Variants in RAD51B observed in about 807,000 individuals in gnomAD.
The protein encoded by RAD51B is RAD51 paralog B.
A neutral mutation model predicts 42.2 loss-of-function variants in RAD51B; 38 were observed. That is an observed-to-expected ratio of 0.90 (90% confidence interval 0.70 to 1.18). RAD51B has a LOEUF of 1.18. Ranked by LOEUF, RAD51B falls within the 50% of genes most tolerant of loss-of-function variation. The probability of loss-of-function intolerance (pLI) is 0.00; values close to 1 mark genes in which losing one functional copy is unlikely to be tolerated. For missense variants in RAD51B, 373 were observed against 400.7 expected (o/e 0.93, Z 0.59); for synonymous variants, 154 against 145.2 (o/e 1.06, Z -0.43).
intron 10 of RAD51B, among the ~76,000 whole-genome samples, chr14:68,499,139 G>A (rs1160289672): frequency 1.3e-5 from 2 of 152,104 alleles, no homozygotes; most frequent in Non-Finnish European, 2.9e-5. Context: ...TGCCAGAAGG[G>A]GGCTCATCAC....
At chr14:68,248,021 C>T (rs1180201293) in intron 7 of RAD51B, among the ~76,000 whole-genome samples, 1 of 152,172 alleles carries the variant, frequency 6.6e-6, no homozygotes, top group Non-Finnish European at 1.5e-5. Flanking sequence ...TTTTCCAGAA[C>T]ACCAAATCGA....
chr14:68,563,302 G>T (rs1312528608), intron 10 of RAD51B: 1 of 985,296 alleles, frequency 1.0e-6, no homozygotes, highest in Non-Finnish European at 1.2e-6. Flanking sequence ...CAATGGGCTT[G>T]TTCTCTCCTC....
At position 68,280,471 on chromosome 14, in the gene RAD51B, C is replaced by T. The variant is rs114480644; in HGVS notation, c.757-11413C>T. 4.9e-3 allele frequency among the ~76,000 whole-genome samples: 746 copies of T among 152,298 alleles called. 5 individuals carry two copies. Among genetic ancestry groups the T allele is most frequent in the African/African-American group, 0.016 (677 of 41,564 alleles). On this transcript the variant is annotated intron_variant, in intron 7 of 10. Transcript: ENST00000471583. Reference sequence around the variant, plus strand: ...AGCTATTTGATCTCAAAAAATACCTCAACTTCTTGAACCTCAGTTTCCTCA... The same window carrying T: ...AGCTATTTGATCTCAAAAAATACCTTAACTTCTTGAACCTCAGTTTCCTCA...
intron 10 of RAD51B, among the ~76,000 whole-genome samples, chr14:68,492,980 G>C (rs892236379): frequency 6.6e-6 from 1 of 152,182 alleles, no homozygotes; most frequent in Non-Finnish European, 1.5e-5. Flanking sequence ...CAGACAAGCT[G>C]CAGCCTCTCT....
chr14:68,450,282 G>A (rs8006313), intron 9 of RAD51B, among the ~76,000 whole-genome samples: 3,489 of 133,334 alleles, frequency 0.026, 51 homozygotes, highest in Middle Eastern at 0.071. Context: ...GCAATGGCAC[G>A]ATCTCTGCTC....
chr14:68,192,197 C>T (rs1487157967), intron 7 of RAD51B, among the ~76,000 whole-genome samples: 1 of 152,094 alleles, frequency 6.6e-6, no homozygotes, highest in Non-Finnish European at 1.5e-5. Context: ...TAATGTTATT[C>T]ACTGGTTGAA....
chr14:67,858,229 A>G (rs994835609), intron 4 of RAD51B, among the ~76,000 whole-genome samples: 1 of 152,148 alleles, frequency 6.6e-6, no homozygotes, highest in African/African-American at 2.4e-5. Flanking sequence ...CCTTCTGGGT[A>G]CCCGCACTTG....
At chr14:67,822,354 A>G (rs1221450650) in intron 1 of RAD51B, 3 of 152,162 alleles carry the variant, frequency 2.0e-5, no homozygotes, top group Non-Finnish European at 4.4e-5. Flanking sequence ...ATTTAACTGC[A>G]TGTGAGAATA....
At chr14:67,916,961 G>A (rs1566956769) in intron 7 of RAD51B, among the ~76,000 whole-genome samples, 1 of 152,202 alleles carries the variant, frequency 6.6e-6, no homozygotes, top group Non-Finnish European at 1.5e-5. Context: ...AGGAAGTAGA[G>A]CAGGGTAAGG....
intron 7 of RAD51B, among the ~76,000 whole-genome samples, chr14:68,063,244 T>C (rs2140445888): frequency 6.6e-6 from 1 of 152,318 alleles, no homozygotes. Context: ...CTCTAATCTT[T>C]ATTATTTCTT....
chr14:68,013,272 G>C (rs1030635642), intron 7 of RAD51B, among the ~76,000 whole-genome samples: 1 of 152,156 alleles, frequency 6.6e-6, no homozygotes, highest in African/African-American at 2.4e-5. Context: ...ATTTCAAAAA[G>C]AGAAAGATAG....
In RAD51B at chr14:68,217,291, CT is replaced by C. The variant is rs1481261100; in HGVS notation, c.757-74592del. Among the ~76,000 whole-genome samples the C allele has an allele frequency of 3.9e-5, 6 of 152,292 alleles. No individual in the cohort carries two copies. The East Asian group carries it at 1.2e-3, about 29-fold the overall frequency. On this transcript the variant is annotated intron_variant, in intron 7 of 10. Transcript: ENST00000471583. ...CTCCTCTTTTCTAAATCCAGCCCTC[CT>C]CCCCCTTAAAATCTTATGTTATCAG...
intron 7 of RAD51B, among the ~76,000 whole-genome samples, chr14:68,282,205 A>C (rs1430359431): frequency 6.6e-6 from 1 of 150,698 alleles, no homozygotes; most frequent in East Asian, 2.0e-4. Flanking sequence ...CTGGTCTTGA[A>C]CTCCTGATCT....
At chr14:68,647,267 T>G (rs1892581609) in intron 10 of RAD51B, among the ~76,000 whole-genome samples, 1 of 152,210 alleles carries the variant, frequency 6.6e-6, no homozygotes, top group Admixed American at 6.5e-5. Context: ...CATGTCTTAT[T>G]GCATTGGCAA....
chr14:68,553,709 G>T (rs1251790589), intron 10 of RAD51B, among the ~76,000 whole-genome samples: 2 of 147,992 alleles, frequency 1.4e-5, no homozygotes, highest in African/African-American at 5.0e-5. Flanking sequence ...GCAGAGGTGG[G>T]GTGGAGGTGG....
rs374606161 is a variant in RAD51B at position 68,271,507 on chromosome 14, T to TA, written c.757-20367dup. 1.7e-3 allele frequency among the ~76,000 whole-genome samples: 244 copies of TA among 147,438 alleles called. 2 individuals carry two copies. The South Asian group carries it at 0.033, about 20-fold the overall frequency. ...GCACCTTGAAAGTGTGTTGTGAAGA[T>TA]AAAAAAAAAAGATAAATAGGCAATA... On this transcript the variant is annotated intron_variant, in intron 7 of 10. Transcript: ENST00000471583.
intron 8 of RAD51B, among the ~76,000 whole-genome samples, chr14:68,392,074 G>T (rs2083774120): frequency 1.3e-5 from 2 of 152,162 alleles, no homozygotes; most frequent in Non-Finnish European, 2.9e-5. Flanking sequence ...TAAAGGCTCA[G>T]GTTTATCTGG....
At chr14:68,623,601 A>G (rs1463472156) in intron 10 of RAD51B, among the ~76,000 whole-genome samples, 3 of 152,230 alleles carry the variant, frequency 2.0e-5, no homozygotes, top group Non-Finnish European at 4.4e-5. Flanking sequence ...ACTTGTACAT[A>G]GGTGCCATAT....
intron 10 of RAD51B, among the ~76,000 whole-genome samples, chr14:68,485,472 T>A (rs1168537534): frequency 3.3e-5 from 5 of 152,196 alleles, no homozygotes; most frequent in Non-Finnish European, 5.9e-5. Flanking sequence ...AAGAAAATTG[T>A]GTTCCCACCA....
Sources: gnomAD v4.1 joint callset for allele counts (sites outside exome capture counted in the v4.1 genomes callset) on GRCh38, gnomAD v4.1.1 for gene constraint, MANE v1.5 for transcripts, NCBI Gene and HGNC (gene_info 2026-07-23, HGNC 2026-07-21) for gene names.